The following DNAH14 variants were observed in gnomAD, a reference collection of about 807,000 sequenced individuals.
DNAH14 encodes the protein axonemal beta dynein heavy chain 14.
In DNAH14, 478 loss-of-function variants were observed where a neutral mutation model predicts 520.9. The observed-to-expected ratio is 0.92, with a 90% CI of 0.85 to 0.99. The LOEUF is 0.99. Among genes scored for constraint, DNAH14 ranks in the 50% least tolerant of loss-of-function variants. The pLI is 0.00. For synonymous variants in DNAH14, 1,581 were observed against 1,757.2 expected (o/e 0.90, Z 2.51); for missense variants, 4,831 against 5,234.5 (o/e 0.92, Z 2.38).
intron 36 of DNAH14, among the ~76,000 whole-genome samples, chr1:225,168,817 T>A (rs1163316279): frequency 6.6e-6 from 1 of 152,192 alleles, no homozygotes; most frequent in South Asian, 2.1e-4. Context: ...TCTCCCAGCA[T>A]GCAACTTGAG....
chr1:225,176,005 C>T (rs560112436), intron 36 of DNAH14, among the ~76,000 whole-genome samples: 8 of 152,192 alleles, frequency 5.3e-5, no homozygotes, highest in Admixed American at 2.6e-4. Context: ...CCACCCACCT[C>T]GGACTCCCAA....
chr1:225,111,536 G>A (rs768173168), intron 23 of DNAH14, among the ~76,000 whole-genome samples: 3 of 151,774 alleles, frequency 2.0e-5, no homozygotes, highest in Non-Finnish European at 4.4e-5. Flanking sequence ...TAGGTGAAGT[G>A]TGTTTCTTAT....
chr1:225,006,202 C>G (rs1301571739), intron 9 of DNAH14, among the ~76,000 whole-genome samples: 1 of 152,110 alleles, frequency 6.6e-6, no homozygotes, highest in African/African-American at 2.4e-5. Flanking sequence ...TCTCTTAATC[C>G]TGTCATCTTC....
chr1:225,362,693 C>T lies in DNAH14; in HGVS notation c.11987+1802C>T, dbSNP rs189504744. Among the ~76,000 whole-genome samples, 429 of 151,870 alleles carry T rather than the reference C, an allele frequency of 2.8e-3. 2 individuals carry two copies. The highest frequency in any genetic ancestry group is 4.3e-3 in the Non-Finnish European group (292 of 67,956). On this transcript the variant is annotated intron_variant, in intron 75 of 85. Coordinates refer to ENST00000682510, the MANE Select transcript of DNAH14 (RefSeq NM_001367479.1). ...AAAATGAAATATCACCTCCAAAAGG[C>T]TACTATCAAAAAAAAGAAAAAGAAA...
At position 225,381,410 on chromosome 1, in the gene DNAH14, T is replaced by G; in HGVS notation, c.12908T>G (p.Leu4303Trp). Residue 4303 changes from leucine to tryptophan, a missense_variant, in exon 81 of 86, where the codon TTG (leucine) becomes TGG (tryptophan). Leu to Trp is a moderately conservative substitution (Grantham distance 61). Coordinates refer to ENST00000682510, the MANE Select transcript of DNAH14 (RefSeq NM_001367479.1). ...CACGACCCCCTTATCCATTGTGTCT[T>G]GCTAACCTTTTTGAAGCAAGAAATT... The part of the protein sequence containing the change: ...KDHDPLIHCV[L>W]LTFLKQEIKR... The G allele has an allele frequency of 2.6e-6, 4 of 1,550,098 alleles. No individual in the cohort carries two copies. Among genetic ancestry groups the G allele is most frequent in the South Asian group, 1.2e-5 (1 of 83,310 alleles).
chr1:225,270,724 C>A lies in DNAH14; in HGVS notation c.7540-11C>A. The A allele has an allele frequency of 1.3e-6, 2 of 1,549,696 alleles. No homozygotes were observed. Among genetic ancestry groups the A allele is most frequent in the Non-Finnish European group, 1.7e-6 (2 of 1,145,968 alleles). ...ACATTCAGTTACTCTTCCTTTTTAT[C>A]CTTATCACAGAATATTCAAGATCTG... On this transcript the variant is annotated splice_polypyrimidine_tract_variant and intron_variant, in intron 49 of 85. Transcript: ENST00000682510.
Position 225,176,979 on chromosome 1 carries a change from G to A in DNAH14, c.5536-8312G>A, listed in dbSNP as rs1003682083. ...CGACTTTGGATCTGGGTAACAGGCAGAGGTTGGAACAGTTTGGAGGGCTCA... is the reference window on the plus strand; with the variant it reads ...CGACTTTGGATCTGGGTAACAGGCAAAGGTTGGAACAGTTTGGAGGGCTCA... On this transcript the variant is annotated intron_variant, in intron 36 of 85. Transcript: ENST00000682510. 2.0e-5 allele frequency among the ~76,000 whole-genome samples: 3 copies of A among 152,302 alleles called. No individual in the cohort carries two copies. In the South Asian group the frequency reaches 6.2e-4, roughly 32 times the overall value.
intron 55 of DNAH14, among the ~76,000 whole-genome samples, chr1:225,299,731 T>G (rs2094100188): frequency 6.6e-6 from 1 of 152,196 alleles, no homozygotes; most frequent in Non-Finnish European, 1.5e-5. Context: ...TCCCACACTT[T>G]CCAGGCTTCT....
At chr1:225,057,322 G>A (rs2069254122) in intron 17 of DNAH14, among the ~76,000 whole-genome samples, 2 of 152,066 alleles carry the variant, frequency 1.3e-5, no homozygotes, top group African/African-American at 2.4e-5. Flanking sequence ...CTCATGATTT[G>A]GCTCTCTGTC....
intron 54 of DNAH14, among the ~76,000 whole-genome samples, chr1:225,285,309 G>A (rs2093712632): frequency 6.6e-6 from 1 of 152,210 alleles, no homozygotes; most frequent in Admixed American, 6.5e-5. Flanking sequence ...AGAACTTTGG[G>A]AGGCCAAAGT....
At chr1:225,176,652 GT>G (rs2083376081) in intron 36 of DNAH14, among the ~76,000 whole-genome samples, 1 of 152,066 alleles carries the variant, frequency 6.6e-6, no homozygotes, top group African/African-American at 2.4e-5. Flanking sequence ...TTCCCATGCT[GT>G]TCTCATGATA....
chr1:225,082,498 A>G, intron 19 of DNAH14, 51 bp from the exon 20 acceptor site: 1 of 1,330,072 alleles, frequency 7.5e-7, no homozygotes, highest in Non-Finnish European at 9.8e-7. Flanking sequence ...TTTTTTGGTT[A>G]AAAAATATAA....
intron 25 of DNAH14, among the ~76,000 whole-genome samples, chr1:225,118,886 C>CA (rs35262847): frequency 0.071 from 5,241 of 74,204 alleles, 168 homozygotes; most frequent in Non-Finnish European, 0.12. Context: ...CTCTCTGTCT[C>CA]AAAAAAAAAA....
At chr1:224,976,142 C>G (rs2061821949) in intron 8 of DNAH14, among the ~76,000 whole-genome samples, 1 of 151,870 alleles carries the variant, frequency 6.6e-6, no homozygotes, top group Non-Finnish European at 1.5e-5. Flanking sequence ...AGCTTTACTT[C>G]CAACTATGTG....
chr1:225,161,922 G>T (rs1408836114), intron 35 of DNAH14, among the ~76,000 whole-genome samples: 1 of 152,260 alleles, frequency 6.6e-6, no homozygotes, highest in Non-Finnish European at 1.5e-5. Flanking sequence ...TGTCAGATGG[G>T]TAGTTTGTAA....
chr1:224,931,469 A>G (rs2058693356), intron 1 of DNAH14, among the ~76,000 whole-genome samples: 2 of 152,132 alleles, frequency 1.3e-5, no homozygotes, highest in Non-Finnish European at 1.5e-5. Context: ...ACCTGAGTAC[A>G]ATATATTTTT....
intron 12 of DNAH14, 133 bp from the exon 13 acceptor site, chr1:225,042,702 A>G: frequency 1.1e-6 from 1 of 919,688 alleles, no homozygotes; most frequent in African/African-American, 1.7e-5. Flanking sequence ...AGTGTCAGGT[A>G]TTTGGTAATA....
intron 41 of DNAH14, among the ~76,000 whole-genome samples, chr1:225,209,570 A>C (rs976333354): frequency 6.6e-6 from 1 of 152,210 alleles, no homozygotes; most frequent in African/African-American, 2.4e-5. Flanking sequence ...ATAATACCTA[A>C]GATTAAAGAA....
chr1:225,185,230 T>C, intron 36 of DNAH14, 61 bp from the exon 37 acceptor site: 1 of 1,488,616 alleles, frequency 6.7e-7, no homozygotes, highest in Non-Finnish European at 9.0e-7. Flanking sequence ...GATATAGAGA[T>C]ATATTGGTTA....
Sources: gnomAD v4.1 joint callset for allele counts (sites outside exome capture counted in the v4.1 genomes callset) on GRCh38, gnomAD v4.1.1 for gene constraint, MANE v1.5 for transcripts, NCBI Gene and HGNC (gene_info 2026-07-23, HGNC 2026-07-21) for gene names.